Variants in CHN2 observed in about 807,000 individuals in gnomAD.
CHN2 encodes chimerin 2, also known as beta-chimaerin.
Under a neutral mutation model 56.3 loss-of-function variants are expected in CHN2, and 35 were observed. The observed-to-expected ratio is 0.62, with a 90% CI of 0.47 to 0.82. CHN2 has a LOEUF of 0.82. Ranked by LOEUF, CHN2 falls within the 40% of genes least tolerant of loss-of-function variation. The pLI is 0.00. For synonymous variants in CHN2, 210 were observed against 212.8 expected (o/e 0.99, Z 0.12); for missense variants, 491 against 580.5 (o/e 0.85, Z 1.58).
intron 12 of CHN2, among the ~76,000 whole-genome samples, chr7:29,511,114 A>C (rs1292705758): frequency 6.6e-6 from 1 of 152,230 alleles, no homozygotes; most frequent in Non-Finnish European, 1.5e-5. Context: ...TACATTGACC[A>C]GTTTACAGAT....
intron 2 of CHN2, among the ~76,000 whole-genome samples, chr7:29,358,997 C>T (rs1048204438): frequency 5.9e-5 from 9 of 152,168 alleles, no homozygotes; most frequent in African/African-American, 1.7e-4. Flanking sequence ...CCTTGGGATC[C>T]CCCTGTAACT....
intron 7 of CHN2, among the ~76,000 whole-genome samples, chr7:29,485,759 G>C (rs1031882306): frequency 6.6e-6 from 1 of 152,262 alleles, no homozygotes; most frequent in South Asian, 2.1e-4. Context: ...GGGCCAGATG[G>C]TGGAAAGATG....
intron 6 of CHN2, among the ~76,000 whole-genome samples, chr7:29,427,853 C>T (rs993497225): frequency 6.6e-6 from 1 of 152,010 alleles, no homozygotes; most frequent in African/African-American, 2.4e-5. Context: ...GACAGGGTTT[C>T]ACCGTGTTGG....
intron 7 of CHN2, among the ~76,000 whole-genome samples, chr7:29,482,926 A>C (rs973090261): frequency 6.3e-5 from 9 of 142,372 alleles, no homozygotes; most frequent in South Asian, 2.2e-4. Flanking sequence ...GGTTCATGCC[A>C]TTCTCCTGCC....
chr7:29,214,711 A>G (rs1014516807), intron 1 of CHN2, among the ~76,000 whole-genome samples: 1 of 152,216 alleles, frequency 6.6e-6, no homozygotes. Flanking sequence ...TTACACTTGA[A>G]TATATGTTAT....
chr7:29,340,142 C>T (rs757329), intron 1 of CHN2, among the ~76,000 whole-genome samples: 6,512 of 152,084 alleles, frequency 0.043, 452 homozygotes, highest in African/African-American at 0.15. Context: ...AATATACATG[C>T]AGAAAAATTG....
At chr7:29,347,935 T>G (rs1374159770) in intron 1 of CHN2, among the ~76,000 whole-genome samples, 2 of 152,208 alleles carry the variant, frequency 1.3e-5, no homozygotes, top group African/African-American at 4.8e-5. Context: ...TTTTGTAAAT[T>G]TTTATTCTAG....
chr7:29,403,238 T>A (rs1388076552), intron 6 of CHN2, among the ~76,000 whole-genome samples: 2 of 145,824 alleles, frequency 1.4e-5, no homozygotes, highest in Non-Finnish European at 3.0e-5. Flanking sequence ...CTGTTTCCCT[T>A]AAAGGCAGTC....
intron 7 of CHN2, 97 bp downstream of exon 7, chr7:29,480,453 G>A (rs1050057599): frequency 8.7e-6 from 11 of 1,259,224 alleles, no homozygotes; most frequent in Admixed American, 5.8e-5. Flanking sequence ...AAAGTCAAGA[G>A]ACAATGAATT....
intron 2 of CHN2, among the ~76,000 whole-genome samples, chr7:29,168,813 C>T (rs1445623032): frequency 1.3e-5 from 2 of 152,176 alleles, no homozygotes; most frequent in Non-Finnish European, 2.9e-5. Flanking sequence ...GTTGTTTAGA[C>T]ATGTACTACT....
intron 2 of CHN2, among the ~76,000 whole-genome samples, chr7:29,166,872 C>A (rs960244656): frequency 3.9e-5 from 6 of 151,964 alleles, no homozygotes; most frequent in African/African-American, 1.5e-4. Context: ...ACATTTGAAA[C>A]ATATTTATAA....
intron 10 of CHN2, 104 bp from the exon 11 acceptor site, chr7:29,507,124 T>A: frequency 5.6e-6 from 6 of 1,064,396 alleles, no homozygotes; most frequent in Non-Finnish European, 8.1e-6. Flanking sequence ...AGCTGAGACT[T>A]GTCAGGGAGC....
intron 1 of CHN2, among the ~76,000 whole-genome samples, chr7:29,341,574 G>A (rs1797055595): frequency 6.6e-6 from 1 of 151,932 alleles, no homozygotes; most frequent in African/African-American, 2.4e-5. Flanking sequence ...GAAGAACAGG[G>A]AGGGACAGAA....
intron 1 of CHN2, among the ~76,000 whole-genome samples, chr7:29,320,229 A>G (rs1795235619): frequency 6.6e-6 from 1 of 152,138 alleles, no homozygotes; most frequent in Non-Finnish European, 1.5e-5. Flanking sequence ...GCTCTTAACC[A>G]CCATGCCGAG....
chr7:29,440,017 A>G (rs1783512785), intron 6 of CHN2, among the ~76,000 whole-genome samples: 1 of 152,194 alleles, frequency 6.6e-6, no homozygotes, highest in African/African-American at 2.4e-5. Flanking sequence ...TGTAAACCAC[A>G]TACTGGTGAC....
chr7:29,190,526 A>T (rs1782751812), upstream of CHN2, among the ~76,000 whole-genome samples: 1 of 152,226 alleles, frequency 6.6e-6, no homozygotes, highest in Non-Finnish European at 1.5e-5. Flanking sequence ...AACAAAATAA[A>T]CAAATTACAC....
At position 29,146,673 on chromosome 7, in the gene CHN2, TGCTGGAAGAA is replaced by T. The variant is rs1177517848; in HGVS notation, c.93_102del (p.Gly32SerfsTer8). ...GGCCGCATCAAGTCAGCGCTTCCCA[TGCTGGAAGAA>T]GCAAGCAGCCCCAGGGTGGAATCTT... On this transcript the variant is annotated frameshift_variant, in exon 1 of 7. Coordinates refer to the CHN2 transcript ENST00000439384. LOFTEE classifies it high-confidence loss of function. 47 of 1,550,526 alleles carry T rather than the reference TGCTGGAAGAA, an allele frequency of 3.0e-5. No individual in the cohort carries two copies. Among genetic ancestry groups the T allele is most frequent in the Non-Finnish European group, 3.6e-5 (41 of 1,147,020 alleles).
chr7:29,474,409 T>C (rs1478481213), intron 6 of CHN2, among the ~76,000 whole-genome samples: 2 of 152,236 alleles, frequency 1.3e-5, no homozygotes, highest in Non-Finnish European at 2.9e-5. Context: ...ATCCTAGAAA[T>C]AGAATAATTG....
chr7:29,312,623 C>T (rs934646345), intron 1 of CHN2, among the ~76,000 whole-genome samples: 16 of 152,074 alleles, frequency 1.1e-4, no homozygotes, highest in African/African-American at 3.1e-4. Flanking sequence ...TAATAATGAG[C>T]GTGCAGAAGA....
Sources: allele counts gnomAD v4.1 joint callset (sites outside exome capture counted in the v4.1 genomes callset), GRCh38; gene constraint gnomAD v4.1.1; transcripts MANE v1.5; gene names NCBI Gene and HGNC (gene_info 2026-07-23, HGNC 2026-07-21).